SLC26A8: variants seen among roughly 807,000 people sequenced by gnomAD.
SLC26A8 encodes solute carrier family 26 member 8, also known as testis anion transporter 1.
Under a neutral mutation model 105.0 loss-of-function variants are expected in SLC26A8, and 70 were observed. The observed-to-expected ratio is 0.67, with a 90% CI of 0.55 to 0.81. SLC26A8 has a LOEUF of 0.81. Ranked by LOEUF, SLC26A8 falls within the 40% of genes least tolerant of loss-of-function variation. SLC26A8 has a pLI of 0.00. For synonymous variants in SLC26A8, 415 were observed against 438.3 expected (o/e 0.95, Z 0.66); for missense variants, 998 against 1,181.8 (o/e 0.84, Z 2.28).
At chr6:36,006,306 G>C (rs1036518885) in intron 3 of SLC26A8, among the ~76,000 whole-genome samples, 2 of 152,092 alleles carry the variant, frequency 1.3e-5, no homozygotes, top group African/African-American at 2.4e-5. Flanking sequence ...TTTTAGTAGA[G>C]ACAGGGTTTT....
chr6:35,945,454 G>A (rs1771627983), intron 19 of SLC26A8, among the ~76,000 whole-genome samples: 2 of 152,306 alleles, frequency 1.3e-5, no homozygotes, highest in South Asian at 4.1e-4. Context: ...GTGTGACCTG[G>A]CCTCTTGCCA....
chr6:36,018,975 A>G (rs959376143), intron 2 of SLC26A8, among the ~76,000 whole-genome samples: 4 of 152,098 alleles, frequency 2.6e-5, no homozygotes, highest in African/African-American at 9.7e-5. Context: ...TGCCCAGGCT[A>G]GAGTGTAGTG....
intron 16 of SLC26A8, among the ~76,000 whole-genome samples, chr6:35,958,866 C>G (rs1056193780): frequency 6.6e-6 from 1 of 152,140 alleles, no homozygotes; most frequent in East Asian, 1.9e-4. Flanking sequence ...CTACTTAGAT[C>G]AAGTCCAGTT....
intron 8 of SLC26A8, among the ~76,000 whole-genome samples, chr6:35,978,780 T>C (rs1048025233): frequency 1.3e-5 from 2 of 151,862 alleles, no homozygotes; most frequent in African/African-American, 4.8e-5. Flanking sequence ...CTCAAAGAGC[T>C]AAATATCATT....
intron 1 of SLC26A8, among the ~76,000 whole-genome samples, chr6:36,022,442 C>G (rs1286518657): frequency 6.6e-6 from 1 of 152,010 alleles, no homozygotes; most frequent in African/African-American, 2.4e-5. Flanking sequence ...AGCTAGATTT[C>G]AAGTGCTCAA....
rs1762042707 is a variant in SLC26A8 at position 36,018,190 on chromosome 6, T to C, written c.188+1330A>G. ...CAATTCTAGTCCTAGTTATAGGACTTCAAACAGATCTCCTGTGCCAATGTT... is the reference window on the plus strand; with the variant it reads ...CAATTCTAGTCCTAGTTATAGGACTCCAAACAGATCTCCTGTGCCAATGTT... On this transcript the variant is annotated intron_variant, in intron 2 of 19. Coordinates refer to ENST00000490799, the MANE Select transcript of SLC26A8 (RefSeq NM_052961.4). 2.0e-5 allele frequency among the ~76,000 whole-genome samples: 3 copies of C among 152,340 alleles called. No individual in the cohort carries two copies. The South Asian group carries it at 6.2e-4, about 32-fold the overall frequency.
At chr6:35,982,499 A>G (rs1443507111) in intron 7 of SLC26A8, among the ~76,000 whole-genome samples, 1 of 152,042 alleles carries the variant, frequency 6.6e-6, no homozygotes, top group East Asian at 1.9e-4. Flanking sequence ...ATCTTCATTT[A>G]TTTTTTCTTG....
At chr6:36,011,611 T>C (rs78387293) in intron 3 of SLC26A8, among the ~76,000 whole-genome samples, 1 of 152,028 alleles carries the variant, frequency 6.6e-6, no homozygotes, top group Non-Finnish European at 1.5e-5. Context: ...ATCCTTCACC[T>C]TTTTTTTCTT....
chr6:35,983,554 CT>C (rs879555986), intron 7 of SLC26A8, among the ~76,000 whole-genome samples: 301 of 143,424 alleles, frequency 2.1e-3, no homozygotes, highest in Admixed American at 2.3e-3. Context: ...CTTTTGCTCT[CT>C]TTTTTTTTTT....
In SLC26A8 at chr6:35,955,108, A is replaced by G. The variant is rs1380348316; in HGVS notation, c.2232+44T>C. On this transcript the variant is annotated intron_variant, in intron 17 of 19. Transcript: ENST00000490799. Reference sequence around the variant, plus strand: ...AGGATCAGGGTGGGGTTGGGATGGTAGGAGGGGGATCAGAGCTCCTGCCAA... The same window carrying G: ...AGGATCAGGGTGGGGTTGGGATGGTGGGAGGGGGATCAGAGCTCCTGCCAA... 4.3e-6 allele frequency: 7 copies of G among 1,611,980 alleles called. No individual in the cohort carries two copies. In the Admixed American group the frequency reaches 1.2e-4, roughly 27 times the overall value.
At chr6:36,005,951 G>A (rs1761672904) in intron 3 of SLC26A8, among the ~76,000 whole-genome samples, 1 of 152,080 alleles carries the variant, frequency 6.6e-6, no homozygotes, top group Non-Finnish European at 1.5e-5. Flanking sequence ...TCATCATATA[G>A]TATTTTTGTT....
intron 2 of SLC26A8, among the ~76,000 whole-genome samples, chr6:36,015,954 T>G (rs994201672): frequency 6.6e-6 from 1 of 151,904 alleles, no homozygotes; most frequent in African/African-American, 2.4e-5. Flanking sequence ...ACTTGAGTAA[T>G]TAAGATTACT....
intron 10 of SLC26A8, among the ~76,000 whole-genome samples, chr6:35,970,244 A>G (rs111487570): frequency 3.9e-5 from 6 of 152,034 alleles, no homozygotes; most frequent in Non-Finnish European, 5.9e-5. Flanking sequence ...GTAGGGGGGG[A>G]AAACACACCT....
chr6:35,982,283 C>T, intron 7 of SLC26A8, 80 bp from the exon 8 acceptor site: 1 of 1,400,040 alleles, frequency 7.1e-7, no homozygotes, highest in Non-Finnish European at 1.0e-6. Flanking sequence ...CAGAGTTGCC[C>T]ATTGCCTCTG....
chr6:35,948,514 G>C (rs1422854995), intron 19 of SLC26A8, among the ~76,000 whole-genome samples: 1 of 152,138 alleles, frequency 6.6e-6, no homozygotes, highest in Non-Finnish European at 1.5e-5. Context: ...ACGTGAACCT[G>C]GGAGGCGGAG....
At chr6:36,001,799 T>C (rs1210790935) in intron 3 of SLC26A8, among the ~76,000 whole-genome samples, 1 of 152,174 alleles carries the variant, frequency 6.6e-6, no homozygotes, top group Admixed American at 6.6e-5. Flanking sequence ...TGCCATGTTG[T>C]GAATATGGAG....
At chr6:36,008,250 C>T (rs1761749954) in intron 3 of SLC26A8, among the ~76,000 whole-genome samples, 1 of 152,018 alleles carries the variant, frequency 6.6e-6, no homozygotes, top group Non-Finnish European at 1.5e-5. Context: ...GCTATGTTCA[C>T]ACCACTGCAC....
intron 3 of SLC26A8, among the ~76,000 whole-genome samples, chr6:36,003,122 AC>A: frequency 6.6e-6 from 1 of 152,222 alleles, no homozygotes; most frequent in African/African-American, 2.4e-5. Context: ...TACTTAAGAA[AC>A]CTTTTTCTAC....
chr6:35,968,239 G>A (rs993208408), intron 11 of SLC26A8, among the ~76,000 whole-genome samples: 13 of 151,802 alleles, frequency 8.6e-5, no homozygotes, highest in Admixed American at 2.0e-4. Context: ...CTACCTCCCA[G>A]GTTCAAGAGA....
Sources: allele counts gnomAD v4.1 joint callset (sites outside exome capture counted in the v4.1 genomes callset), GRCh38; gene constraint gnomAD v4.1.1; transcripts MANE v1.5; gene names NCBI Gene and HGNC (gene_info 2026-07-23, HGNC 2026-07-21).